Variants in ERC2 observed in about 807,000 individuals in gnomAD.
The protein encoded by ERC2 is ERC protein 2.
A neutral mutation model predicts 114.8 loss-of-function variants in ERC2; 42 were observed. The ratio of observed to expected loss-of-function variants is 0.37; its 90% CI spans 0.29 to 0.47. The LOEUF is 0.47. Ranked by LOEUF, ERC2 falls within the 20% of genes least tolerant of loss-of-function variation. The pLI is 0.99. For synonymous variants in ERC2, 454 were observed against 425.5 expected (o/e 1.07, Z -0.82); for missense variants, 939 against 1,150.7 (o/e 0.82, Z 2.66).
chr3:55,591,598 T>C (rs990987930), intron 17 of ERC2, among the ~76,000 whole-genome samples: 26 of 151,186 alleles, frequency 1.7e-4, no homozygotes, highest in African/African-American at 4.9e-4. Flanking sequence ...TGTGTGTGTG[T>C]GTGCGCGCGC....
At chr3:55,779,815 G>A (rs1284339881) in intron 14 of ERC2, among the ~76,000 whole-genome samples, 1 of 152,116 alleles carries the variant, frequency 6.6e-6, no homozygotes, top group Non-Finnish European at 1.5e-5. Flanking sequence ...TTCTTTATCA[G>A]TGGTACACAT....
chr3:56,327,919 T>C (rs1442490758), intron 2 of ERC2, among the ~76,000 whole-genome samples: 2 of 152,310 alleles, frequency 1.3e-5, no homozygotes, highest in Middle Eastern at 3.4e-3. Context: ...AAACTACATG[T>C]GGTTGAGTTC....
At position 55,733,538 on chromosome 3, in the gene ERC2, TCTCTCACACA is replaced by T. The variant is rs1575424627; in HGVS notation, c.2712+1223_2712+1232del. Among the ~76,000 whole-genome samples the T allele has an allele frequency of 1.5e-3, 115 of 74,244 alleles. 3 individuals are homozygous for T. Among genetic ancestry groups the T allele is most frequent in the African/African-American group, 3.8e-3 (86 of 22,746 alleles). 48.7% of individuals were successfully genotyped at this position (74,244 alleles called of 152,430 possible). ...CTCTCTGTCTCTCATTCTTTCTCTC[TCTCTCACACA>T]CACACACACACACACACACACACAC... On this transcript the variant is annotated intron_variant, in intron 15 of 17. Transcript: ENST00000288221.
At chr3:56,186,114 T>TAAAAAAAAAAAAAAAAAAAAAAAAAAA (rs201544979) in intron 3 of ERC2, among the ~76,000 whole-genome samples, 10 of 102,540 alleles carry the variant, frequency 9.8e-5, no homozygotes, top group East Asian at 2.5e-4. Flanking sequence ...TCAAGAACCT[T>TAAAAAAAAAAAAAAAAAAAAAAAAAAA]AAAAAAAAAA....
chr3:56,012,483 C>T lies in ERC2; in HGVS notation c.1780-1894G>A, dbSNP rs147739405. The stretch of plus-strand genomic sequence containing the variant: ...TCCTATGAGTCTTCTTGACCCACAG[C>T]TGGGCAAATCATCTGGCATACAACA... On this transcript the variant is annotated intron_variant, in intron 8 of 17. Coordinates refer to ENST00000288221, the MANE Select transcript of ERC2 (RefSeq NM_015576.3). Among the ~76,000 whole-genome samples, 14 of 152,188 alleles carry T rather than the reference C, an allele frequency of 9.2e-5. No homozygotes were observed. In the East Asian group the frequency reaches 2.5e-3, roughly 27 times the overall value.
At chr3:55,918,320 G>T (rs961598585) in intron 13 of ERC2, among the ~76,000 whole-genome samples, 6 of 151,998 alleles carry the variant, frequency 3.9e-5, no homozygotes, top group African/African-American at 1.2e-4. Context: ...TAAAAAGGTG[G>T]GGGCAGGGTG....
Position 56,434,480 on chromosome 3 carries a change from T to C in ERC2, c.528A>G (p.Gly176=). The C allele has an allele frequency of 6.2e-7, 1 of 1,614,036 alleles. No individual in the cohort carries two copies. The highest frequency in any genetic ancestry group is 8.5e-7 in the Non-Finnish European group (1 of 1,179,894). Residue 176 remains glycine, a synonymous_variant, in exon 2 of 18, where the codon GGA becomes GGG. Coordinates refer to ENST00000288221, the MANE Select transcript of ERC2 (RefSeq NM_015576.3). ...KELDIKDSKL[G]SSMNSIKTFW... ...AAGTCTTAATACTGTTCATGGAAGA[T>C]CCCAATTTGCTGTCCTTGATGTCTA... is the stretch of plus-strand genomic sequence containing the variant.
intron 2 of ERC2, among the ~76,000 whole-genome samples, chr3:56,311,292 C>CAT (rs1553917345): frequency 1.9e-5 from 1 of 52,254 alleles, no homozygotes; most frequent in Non-Finnish European, 4.1e-5. Flanking sequence ...TATATATATA[C>CAT]ACACATATAT....
chr3:56,069,717 C>A (rs950099128), intron 7 of ERC2, among the ~76,000 whole-genome samples: 4 of 152,156 alleles, frequency 2.6e-5, no homozygotes, highest in Non-Finnish European at 5.9e-5. Flanking sequence ...ATTGTATTAT[C>A]TAAGGACTGA....
At chr3:55,731,690 C>A (rs815454) in intron 15 of ERC2, among the ~76,000 whole-genome samples, 79,871 of 151,992 alleles carry the variant, frequency 0.53, 21,938 homozygotes, top group South Asian at 0.71. Context: ...GAGCAAGATA[C>A]CCAACCTCTA....
chr3:55,899,557 T>G (rs1241761289), intron 13 of ERC2, among the ~76,000 whole-genome samples: 2 of 152,176 alleles, frequency 1.3e-5, no homozygotes, highest in African/African-American at 2.4e-5. Context: ...ACAAAGAAAT[T>G]AAATAATAAA....
chr3:55,792,823 C>T (rs193286073), intron 14 of ERC2, among the ~76,000 whole-genome samples: 9 of 152,284 alleles, frequency 5.9e-5, no homozygotes, highest in African/African-American at 2.2e-4. Flanking sequence ...TAAGGACCAC[C>T]ATGTCTTCCA....
At position 56,239,465 on chromosome 3, in the gene ERC2, C is replaced by G. The variant is rs189951042; in HGVS notation, c.1074+56554G>C. 4.0e-3 allele frequency among the ~76,000 whole-genome samples: 609 copies of G among 152,152 alleles called. 4 individuals are homozygous for G. Among genetic ancestry groups the G allele is most frequent in the Non-Finnish European group, 5.5e-3 (376 of 67,996 alleles). The stretch of plus-strand genomic sequence containing the variant: ...AGGTTGCAGTGGGCCGAGATCCCAC[C>G]ACTGCACTCCAGCCTGGGCGACAGA... On this transcript the variant is annotated intron_variant, in intron 3 of 17. Coordinates refer to ENST00000288221, the MANE Select transcript of ERC2 (RefSeq NM_015576.3).
intron 7 of ERC2, among the ~76,000 whole-genome samples, chr3:56,067,455 C>T (rs763311906): frequency 1.8e-4 from 27 of 152,212 alleles, no homozygotes; most frequent in Non-Finnish European, 2.8e-4. Flanking sequence ...TGAGCTGAGA[C>T]GATGGGGTTT....
chr3:56,219,513 A>G (rs967027465), intron 3 of ERC2, among the ~76,000 whole-genome samples: 7 of 152,024 alleles, frequency 4.6e-5, no homozygotes, highest in Non-Finnish European at 1.0e-4. Context: ...TCTAGCCCCA[A>G]GAGGGACACA....
intron 7 of ERC2, among the ~76,000 whole-genome samples, chr3:56,032,558 A>C (rs2074434217): frequency 6.6e-6 from 1 of 152,272 alleles, no homozygotes; most frequent in East Asian, 1.9e-4. Flanking sequence ...AAGAATCCCA[A>C]ATAAATATAA....
At chr3:55,815,081 A>C (rs2059859101) in intron 14 of ERC2, among the ~76,000 whole-genome samples, 2 of 152,174 alleles carry the variant, frequency 1.3e-5, no homozygotes, top group African/African-American at 2.4e-5. Flanking sequence ...CAGCTCCAAA[A>C]GGCAAACTCT....
chr3:56,043,406 G>A (rs1042523645), intron 7 of ERC2, among the ~76,000 whole-genome samples: 6 of 152,098 alleles, frequency 3.9e-5, no homozygotes, highest in South Asian at 4.2e-4. Context: ...GTTATATAGC[G>A]TTGGGATCAA....
intron 3 of ERC2, among the ~76,000 whole-genome samples, chr3:56,174,519 T>C (rs1037038116): frequency 7.9e-5 from 12 of 152,248 alleles, no homozygotes; most frequent in African/African-American, 2.9e-4. Flanking sequence ...AGAGTCAACA[T>C]GGGGTAGTTC....
Sources: gnomAD v4.1 joint callset for allele counts (sites outside exome capture counted in the v4.1 genomes callset) on GRCh38, gnomAD v4.1.1 for gene constraint, MANE v1.5 for transcripts, NCBI Gene and HGNC (gene_info 2026-07-23, HGNC 2026-07-21) for gene names.